The following TOP3A variants were observed in gnomAD, a reference collection of about 807,000 sequenced individuals.
The protein encoded by TOP3A is DNA topoisomerase 3-alpha.
TOP3A carries 64 observed loss-of-function variants against 111.3 expected under a neutral mutation model. That is an observed-to-expected ratio of 0.57 (90% CI 0.47 to 0.71). The LOEUF (loss-of-function observed/expected upper bound fraction) is 0.71, where lower values mean the gene tolerates loss of function less well. Ranked by LOEUF, TOP3A falls within the 30% of genes least tolerant of loss-of-function variation. TOP3A has a pLI of 0.00. For missense variants in TOP3A, 1,104 were observed against 1,285.0 expected (o/e 0.86, Z 2.15); for synonymous variants, 484 against 485.1 (o/e 1.00, Z 0.03).
At position 18,273,319 on chromosome 17, in the gene TOP3A, G is replaced by A. The variant is rs538474968; in HGVS notation, c.*1483C>T. The A allele has an allele frequency of 1.3e-5, 2 of 152,314 alleles. No individual in the cohort carries two copies. Among genetic ancestry groups the A allele is most frequent in the African/African-American group, 2.4e-5 (1 of 41,558 alleles). 9.4% of individuals were successfully genotyped at this position (152,314 alleles called of 1,614,324 possible). A position where few individuals can be genotyped will look rare whatever the true frequency, so the allele number is the denominator to read the frequency against. On this transcript the variant is annotated 3_prime_UTR_variant, in exon 19 of 19. Coordinates refer to ENST00000321105, the MANE Select transcript of TOP3A (RefSeq NM_004618.5). ...TCACAAGGTTTTTGTGAAGGCAAAC[G>A]GGGGAACATGGCCACCACTGGAAAA...
At chr17:18,308,980 T>A in intron 1 of TOP3A, 39 bp from the exon 2 acceptor site, 1 of 1,138,928 alleles carries the variant, frequency 8.8e-7, no homozygotes, top group Non-Finnish European at 1.2e-6. Context: ...AAATTACGTT[T>A]AAAACAATGG....
chr17:18,286,055 C>T (rs552009805), intron 13 of TOP3A, among the ~76,000 whole-genome samples: 253 of 152,026 alleles, frequency 1.7e-3, no homozygotes, highest in African/African-American at 5.9e-3. Context: ...CAAAAATTAG[C>T]AGGGTGTGGC....
chr17:18,291,050 A>G (rs772531908), intron 11 of TOP3A, 23 bp from the exon 12 acceptor site: 4 of 1,609,906 alleles, frequency 2.5e-6, no homozygotes, highest in Non-Finnish European at 3.4e-6. Context: ...GAGGAGTACG[A>G]AACTCCCCCT....
chr17:18,307,259 T>A, intron 3 of TOP3A: 1 of 266,278 alleles, frequency 3.8e-6, no homozygotes. Flanking sequence ...GTTTAAAGAT[T>A]TAATAAAAAT....
At position 18,274,538 on chromosome 17, in the gene TOP3A, G is replaced by C; in HGVS notation, c.*264C>G. The C allele has an allele frequency of 5.7e-6, 2 of 353,442 alleles. No individual in the cohort carries two copies. The highest frequency in any genetic ancestry group is 5.0e-6 in the Non-Finnish European group (1 of 199,066). The allele number at this position is 353,442 out of a possible 1,614,324, so 21.9% of individuals were successfully genotyped here. On this transcript the variant is annotated 3_prime_UTR_variant, in exon 19 of 19. Coordinates refer to ENST00000321105, the MANE Select transcript of TOP3A (RefSeq NM_004618.5). ...TGCTAACAGCAACCATCCTTGGGGG[G>C]TCCGAGGGAGCAGCTGCGTGACTTT...
At chr17:18,289,022 GT>G (rs961175538) in intron 13 of TOP3A, among the ~76,000 whole-genome samples, 2 of 151,768 alleles carry the variant, frequency 1.3e-5, no homozygotes, top group South Asian at 2.1e-4. Flanking sequence ...TTGTAGAAAT[GT>G]TTTTTTTGAG....
intron 17 of TOP3A, among the ~76,000 whole-genome samples, chr17:18,279,358 G>A (rs1302447374): frequency 6.6e-6 from 1 of 151,916 alleles, no homozygotes; most frequent in Admixed American, 6.6e-5. Context: ...CTGGGTTCAC[G>A]CCATTCTCCT....
At chr17:18,308,264 C>A in intron 3 of TOP3A, 87 bp downstream of exon 3, 2 of 485,026 alleles carry the variant, frequency 4.1e-6, no homozygotes, top group South Asian at 3.7e-5. Context: ...AAAAAATTAC[C>A]CAGTAAGATC....
intron 13 of TOP3A, among the ~76,000 whole-genome samples, chr17:18,289,139 A>G (rs1980308655): frequency 6.6e-6 from 1 of 152,110 alleles, no homozygotes; most frequent in African/African-American, 2.4e-5. Context: ...CAGCCTCCCA[A>G]GTAGCTGGGA....
chr17:18,292,082 C>G (rs949634397), intron 11 of TOP3A, among the ~76,000 whole-genome samples: 1 of 152,164 alleles, frequency 6.6e-6, no homozygotes, highest in Admixed American at 6.5e-5. Flanking sequence ...TAAGATTTCC[C>G]CAGCTTTGTG....
At chr17:18,285,106 T>C (rs1173342114) in intron 15 of TOP3A, 36 bp downstream of exon 15, 3 of 1,604,852 alleles carry the variant, frequency 1.9e-6, no homozygotes, top group Admixed American at 3.3e-5. Flanking sequence ...CTGGGCAACA[T>C]AGTGAGACCC....
chr17:18,275,630 G>A (rs1340980406), intron 18 of TOP3A, among the ~76,000 whole-genome samples: 1 of 151,444 alleles, frequency 6.6e-6, no homozygotes, highest in Non-Finnish European at 1.5e-5. Context: ...CCGAAGTGCT[G>A]GGATTACAGG....
Position 18,292,737 on chromosome 17 carries a change from G to A in TOP3A, c.1189C>T (p.Leu397=). The A allele has an allele frequency of 6.2e-7, 1 of 1,613,498 alleles. No individual in the cohort carries two copies. Among genetic ancestry groups the A allele is most frequent in the South Asian group, 1.1e-5 (1 of 90,984 alleles). The change falls in exon 11 of 19, where the codon CTA becomes TTA. Residue 397 remains leucine (L), a synonymous_variant. Coordinates refer to ENST00000321105, the MANE Select transcript of TOP3A (RefSeq NM_004618.5). ...CGTGGGGTGGGACCACCCCGCTCTAGAATGCTCTGGGCAAAGGCCCCCCAG... is the reference window on the plus strand; with the variant it reads ...CGTGGGGTGGGACCACCCCGCTCTAAAATGCTCTGGGCAAAGGCCCCCCAG... The part of the protein sequence containing the change: ...PRWGAFAQSI[L]ERGGPTPRNG...
intron 15 of TOP3A, among the ~76,000 whole-genome samples, chr17:18,284,851 G>A (rs1317049556): frequency 2.6e-5 from 4 of 152,188 alleles, no homozygotes; most frequent in African/African-American, 9.7e-5. Flanking sequence ...AACTGAAGGA[G>A]ACTGTTCCGA....
chr17:18,314,867 G>A lies in TOP3A; in HGVS notation c.-89C>T, dbSNP rs893342354. ...AGGCTCAAATGGCGCCCACCGAAAGGGAACCAGAGCCTCGCTTCGGTCACG... is the reference window on the plus strand; with the variant it reads ...AGGCTCAAATGGCGCCCACCGAAAGAGAACCAGAGCCTCGCTTCGGTCACG... On this transcript the variant is annotated 5_prime_UTR_variant, in exon 1 of 19. Coordinates refer to ENST00000321105, the MANE Select transcript of TOP3A (RefSeq NM_004618.5). The A allele has an allele frequency of 1.1e-6, 1 of 914,276 alleles. No homozygotes were observed. The highest frequency in any genetic ancestry group is 1.5e-6 in the Non-Finnish European group (1 of 652,646). The allele number at this position is 914,276 out of a possible 1,614,324, so 56.6% of individuals were successfully genotyped here.
Position 18,274,908 on chromosome 17 carries a change from G to A in TOP3A, c.2900C>T (p.Pro967Leu), listed in dbSNP as rs781023226. The stretch of plus-strand genomic sequence containing the variant: ...CCCCATGTCTGAGGAACTGGCCCGG[G>A]GCCTTTTGCTTCTGGCTTCCGACTC... ...TLESEARSKR[P>L]RASSSDMGST... Residue 967 changes from proline to leucine, a missense_variant, in exon 19 of 19, where the codon CCC becomes CTC. Physicochemically the swap from Pro to Leu is moderately conservative, Grantham distance 98. Coordinates refer to ENST00000321105, the MANE Select transcript of TOP3A (RefSeq NM_004618.5). 3.1e-6 allele frequency: 5 copies of A among 1,614,018 alleles called. No homozygotes were observed. The highest frequency in any genetic ancestry group is 1.3e-5 in the African/African-American group (1 of 74,900).
At chr17:18,312,069 C>T (rs889878608) in intron 1 of TOP3A, 4 of 152,308 alleles carry the variant, frequency 2.6e-5, no homozygotes, top group African/African-American at 9.6e-5. Flanking sequence ...AATAGTCCCG[C>T]TATAAATGGC....
At chr17:18,296,013 G>T (rs1008200035) in intron 9 of TOP3A, among the ~76,000 whole-genome samples, 1 of 151,690 alleles carries the variant, frequency 6.6e-6, no homozygotes, top group African/African-American at 2.4e-5. Context: ...TGATCTGCCC[G>T]CCTCAGCCTC....
At chr17:18,276,544 A>T (rs1238518161) in intron 18 of TOP3A, among the ~76,000 whole-genome samples, 1 of 152,166 alleles carries the variant, frequency 6.6e-6, no homozygotes, top group Non-Finnish European at 1.5e-5. Context: ...CTGAGACTAA[A>T]CTCCTTTCTA....
Sources: gnomAD v4.1 joint callset for allele counts (sites outside exome capture counted in the v4.1 genomes callset) on GRCh38, gnomAD v4.1.1 for gene constraint, MANE v1.5 for transcripts, NCBI Gene and HGNC (gene_info 2026-07-23, HGNC 2026-07-21) for gene names.